Variants in ARHGAP28 observed in about 807,000 individuals in gnomAD.
ARHGAP28 encodes Rho GTPase activating protein 28, also known as rho GTPase-activating protein 28.
Under a neutral mutation model 90.7 loss-of-function variants are expected in ARHGAP28, and 56 were observed. The observed-to-expected ratio is 0.62, with a 90% CI of 0.50 to 0.77. The LOEUF (loss-of-function observed/expected upper bound fraction) is 0.77, where lower values mean the gene tolerates loss of function less well. Ranked by LOEUF, ARHGAP28 falls within the 30% of genes least tolerant of loss-of-function variation. The pLI is 0.00. For synonymous variants in ARHGAP28, 308 were observed against 323.3 expected, an observed-to-expected ratio of 0.95 and a Z score of 0.51; for missense variants, 869 against 900.9, an observed-to-expected ratio of 0.96 and a Z score of 0.45.
intron 5 of ARHGAP28, among the ~76,000 whole-genome samples, chr18:6,860,690 A>T (rs1228366365): frequency 6.6e-6 from 1 of 152,212 alleles, no homozygotes; most frequent in Non-Finnish European, 1.5e-5. Context: ...ATTTACATGC[A>T]TGACACATTC....
chr18:6,770,975 T>A (rs2056238128), intron 1 of ARHGAP28, among the ~76,000 whole-genome samples: 2 of 152,202 alleles, frequency 1.3e-5, no homozygotes, highest in East Asian at 3.9e-4. Flanking sequence ...CTTCTCCATA[T>A]TTTGGAACTA....
intron 17 of ARHGAP28, among the ~76,000 whole-genome samples, chr18:6,909,260 C>A (rs1420483569): frequency 1.6e-5 from 1 of 62,590 alleles, no homozygotes; most frequent in African/African-American, 4.5e-5. Flanking sequence ...CTTTTCTTTT[C>A]TTTTCTTTTC....
chr18:6,871,644 T>C (rs185053418), intron 7 of ARHGAP28, among the ~76,000 whole-genome samples: 3 of 152,092 alleles, frequency 2.0e-5, no homozygotes, highest in Non-Finnish European at 4.4e-5. Context: ...GTGTGAAAAG[T>C]TTATCTTGTG....
At chr18:6,749,726 CT>C (rs2056053969) in intron 1 of ARHGAP28, among the ~76,000 whole-genome samples, 1 of 152,126 alleles carries the variant, frequency 6.6e-6, no homozygotes. Flanking sequence ...GGATTGTACT[CT>C]TTCTCAGGCC....
intron 17 of ARHGAP28, among the ~76,000 whole-genome samples, chr18:6,909,990 C>T (rs985062189): frequency 6.6e-6 from 1 of 152,164 alleles, no homozygotes; most frequent in Non-Finnish European, 1.5e-5. Context: ...ACTCCCATTT[C>T]TCTGTTCCAC....
intron 3 of ARHGAP28, among the ~76,000 whole-genome samples, chr18:6,850,122 T>C (rs1370377172): frequency 1.3e-5 from 2 of 152,236 alleles, no homozygotes; most frequent in East Asian, 1.9e-4. Flanking sequence ...AATTCAACAA[T>C]CATACTGTTA....
At chr18:6,737,168 T>C (rs1424304321) in intron 1 of ARHGAP28, among the ~76,000 whole-genome samples, 2 of 152,216 alleles carry the variant, frequency 1.3e-5, no homozygotes, top group Non-Finnish European at 2.9e-5. Context: ...AAATAAATTC[T>C]ATCTGTTTAA....
chr18:6,813,311 C>G, intron 1 of ARHGAP28, among the ~76,000 whole-genome samples: 1 of 152,188 alleles, frequency 6.6e-6, no homozygotes, highest in East Asian at 1.9e-4. Flanking sequence ...TGCTGATACA[C>G]TCCTTTTAGA....
rs754874496 is a variant in ARHGAP28 at position 6,841,203 on chromosome 18, C to CTCTCTCTCTCT, written c.543+3789_543+3790insTCTCTCTCTCT. 4.8e-4 allele frequency among the ~76,000 whole-genome samples: 20 copies of CTCTCTCTCTCT among 41,962 alleles called. 1 individual carries two copies. Among genetic ancestry groups the CTCTCTCTCTCT allele is most frequent in the African/African-American group, 1.8e-3 (16 of 8,654 alleles). The allele number at this position is 41,962 out of a possible 152,430, so 27.5% of individuals were successfully genotyped here. ...CTCCTCTCTCTCTCTCTCTCTCTCT[C>CTCTCTCTCTCT]CTCTCCTCTCTCTCTCTCTCCCCCC... On this transcript the variant is annotated intron_variant, in intron 3 of 17. Transcript: ENST00000383472.
chr18:6,805,121 A>C (rs997812285), intron 1 of ARHGAP28, among the ~76,000 whole-genome samples: 3 of 152,146 alleles, frequency 2.0e-5, no homozygotes, highest in African/African-American at 7.2e-5. Context: ...GGCACATGCC[A>C]CCATGCCCAG....
chr18:6,747,074 T>G (rs1433529997), intron 1 of ARHGAP28, among the ~76,000 whole-genome samples: 1 of 147,246 alleles, frequency 6.8e-6, no homozygotes, highest in Non-Finnish European at 1.5e-5. Flanking sequence ...TTATTTTCTT[T>G]TTTTTTTTTT....
chr18:6,880,123 G>A (rs1018493878), intron 10 of ARHGAP28, among the ~76,000 whole-genome samples: 3 of 152,272 alleles, frequency 2.0e-5, no homozygotes, highest in East Asian at 3.9e-4. Flanking sequence ...GGTACCAGGC[G>A]ACTGATGGGA....
intron 1 of ARHGAP28, among the ~76,000 whole-genome samples, chr18:6,807,391 AT>A (rs912966046): frequency 3.3e-5 from 5 of 151,424 alleles, no homozygotes; most frequent in African/African-American, 9.7e-5. Flanking sequence ...TGCAGTGTGG[AT>A]TTTTTTTTAT....
At chr18:6,876,813 G>C (rs1600276163) in intron 10 of ARHGAP28, among the ~76,000 whole-genome samples, 1 of 152,182 alleles carries the variant, frequency 6.6e-6, no homozygotes, top group East Asian at 1.9e-4. Context: ...TGTTCAGTGT[G>C]AATCTTATTC....
chr18:6,774,338 T>C (rs2056266919), intron 1 of ARHGAP28: 1 of 152,226 alleles, frequency 6.6e-6, no homozygotes, highest in African/African-American at 2.4e-5. Context: ...ATAGCTGTGA[T>C]AGCTTTTTTA....
intron 10 of ARHGAP28, among the ~76,000 whole-genome samples, chr18:6,880,693 C>T (rs2057170987): frequency 6.6e-6 from 1 of 152,144 alleles, no homozygotes; most frequent in African/African-American, 2.4e-5. Flanking sequence ...AGCAGGATCC[C>T]CTTCTATTTC....
intron 2 of ARHGAP28, among the ~76,000 whole-genome samples, chr18:6,831,488 C>CTT (rs76200243): frequency 1.7e-4 from 12 of 69,616 alleles, no homozygotes; most frequent in African/African-American, 5.8e-4. Context: ...TTTTTTTTTT[C>CTT]TTTTTTTTTT....
At chr18:6,849,935 A>C (rs1182701838) in intron 3 of ARHGAP28, among the ~76,000 whole-genome samples, 1 of 151,736 alleles carries the variant, frequency 6.6e-6, no homozygotes, top group Non-Finnish European at 1.5e-5. Flanking sequence ...CTTTCTCTCC[A>C]CTTTTTCTAT....
intron 14 of ARHGAP28, among the ~76,000 whole-genome samples, chr18:6,891,506 A>G (rs1021507599): frequency 6.6e-6 from 1 of 150,672 alleles, no homozygotes; most frequent in Non-Finnish European, 1.5e-5. Flanking sequence ...CTGATCTTGA[A>G]CTCCTAACCT....
Sources: allele counts gnomAD v4.1 joint callset (sites outside exome capture counted in the v4.1 genomes callset), GRCh38; gene constraint gnomAD v4.1.1; transcripts MANE v1.5; gene names NCBI Gene and HGNC (gene_info 2026-07-23, HGNC 2026-07-21).